The following ATP8A2 variants were observed in gnomAD, a reference collection of about 807,000 sequenced individuals.
The protein encoded by ATP8A2 is ATPase phospholipid transporting 8A2.
In ATP8A2, 100 loss-of-function variants were observed where a neutral mutation model predicts 165.6. The ratio of observed to expected loss-of-function variants is 0.60; its 90% CI spans 0.51 to 0.71. The LOEUF is 0.71. ATP8A2 is among the 30% of genes least tolerant of loss of function. The pLI is 0.00. For missense variants in ATP8A2, 1,227 were observed against 1,479.5 expected (o/e 0.83, Z 2.80); for synonymous variants, 543 against 548.8 (o/e 0.99, Z 0.15).
chr13:25,542,223 C>T lies in ATP8A2; in HGVS notation c.779+177C>T, dbSNP rs1593497823. Among the ~76,000 whole-genome samples, 10 of 152,196 alleles carry T rather than the reference C, an allele frequency of 6.6e-5. 3 individuals carry two copies. Among genetic ancestry groups the T allele is most frequent in the Admixed American group, 6.5e-4 (10 of 15,284 alleles). On this transcript the variant is annotated intron_variant, in intron 9 of 36. Coordinates refer to ENST00000381655, the MANE Select transcript of ATP8A2 (RefSeq NM_016529.6). ...AGAAAAAAACCCTGAGCCCAAGGGC[C>T]TCAGATGAGGCTCAAAGCATGTGGC... is the stretch of plus-strand genomic sequence containing the variant.
chr13:25,630,981 T>C (rs909233682), intron 24 of ATP8A2, among the ~76,000 whole-genome samples: 2 of 152,166 alleles, frequency 1.3e-5, no homozygotes, highest in Non-Finnish European at 2.9e-5. Flanking sequence ...TAGGTTTCAG[T>C]GTGAAATAAC....
At chr13:25,589,817 G>C in intron 24 of ATP8A2, 118 bp downstream of exon 24, 1 of 615,090 alleles carries the variant, frequency 1.6e-6, no homozygotes, top group Admixed American at 3.0e-5. Flanking sequence ...AAAAAACTGT[G>C]TTTATTTTCT....
chr13:25,451,903 G>A (rs1566142979), intron 1 of ATP8A2, among the ~76,000 whole-genome samples: 1 of 150,256 alleles, frequency 6.7e-6, no homozygotes, highest in Non-Finnish European at 1.5e-5. Context: ...TGCCCAGGCT[G>A]GAGTGCAGTG....
intron 27 of ATP8A2, among the ~76,000 whole-genome samples, chr13:25,817,862 G>A (rs1951071294): frequency 6.6e-6 from 1 of 151,800 alleles, no homozygotes; most frequent in African/African-American, 2.4e-5. Context: ...AAAAATTTTT[G>A]TAGAGACAGG....
chr13:25,469,662 T>A (rs1389788667), intron 2 of ATP8A2, among the ~76,000 whole-genome samples: 1 of 152,208 alleles, frequency 6.6e-6, no homozygotes, highest in Non-Finnish European at 1.5e-5. Context: ...AAATGTCTAC[T>A]TTTGCTGGCC....
At chr13:25,720,086 T>G (rs2043340978) in intron 25 of ATP8A2, among the ~76,000 whole-genome samples, 1 of 152,082 alleles carries the variant, frequency 6.6e-6, no homozygotes, top group South Asian at 2.1e-4. Context: ...TCCGAATTCT[T>G]GTATAAAGTT....
intron 25 of ATP8A2, among the ~76,000 whole-genome samples, chr13:25,764,875 A>T (rs951603720): frequency 1.3e-5 from 2 of 152,174 alleles, no homozygotes; most frequent in Admixed American, 6.5e-5. Context: ...TACAATCGAG[A>T]TCCAGCCCCT....
intron 33 of ATP8A2, among the ~76,000 whole-genome samples, chr13:25,878,702 A>AT (rs1952887054): frequency 6.6e-6 from 1 of 152,116 alleles, no homozygotes; most frequent in South Asian, 2.1e-4. Context: ...CCCAGCCCCT[A>AT]TTCAAGATGG....
intron 33 of ATP8A2, among the ~76,000 whole-genome samples, chr13:25,899,974 C>T (rs991414221): frequency 6.6e-6 from 1 of 152,064 alleles, no homozygotes; most frequent in Non-Finnish European, 1.5e-5. Context: ...ACATGAGGCA[C>T]ACAGCTGTGT....
chr13:25,929,096 C>A (rs1387970676), intron 33 of ATP8A2, among the ~76,000 whole-genome samples: 1 of 152,198 alleles, frequency 6.6e-6, no homozygotes, highest in Non-Finnish European at 1.5e-5. Context: ...GACTCACAAG[C>A]CGCTAACAAC....
chr13:25,525,167 A>G (rs1174942462), intron 2 of ATP8A2, among the ~76,000 whole-genome samples: 8 of 152,104 alleles, frequency 5.3e-5, no homozygotes, highest in African/African-American at 1.9e-4. Context: ...TAGAAACAAT[A>G]AACTAAAAAA....
intron 24 of ATP8A2, among the ~76,000 whole-genome samples, chr13:25,681,766 A>T: frequency 6.6e-6 from 1 of 152,194 alleles, no homozygotes; most frequent in East Asian, 1.9e-4. Flanking sequence ...AACACCTCCA[A>T]ATGATTTATG....
chr13:26,003,959 T>A (rs1050160718), intron 35 of ATP8A2, among the ~76,000 whole-genome samples: 28 of 152,162 alleles, frequency 1.8e-4, no homozygotes, highest in Non-Finnish European at 3.7e-4. Context: ...TGTGATGCCT[T>A]CAGCCTTTTT....
intron 35 of ATP8A2, among the ~76,000 whole-genome samples, chr13:25,988,269 TGA>T (rs1159453177): frequency 6.6e-6 from 1 of 152,208 alleles, no homozygotes; most frequent in Non-Finnish European, 1.5e-5. Context: ...ATCTTCGCTG[TGA>T]GTGCGAAGAC....
At chr13:25,686,791 C>A (rs953752828) in intron 24 of ATP8A2, among the ~76,000 whole-genome samples, 1 of 152,110 alleles carries the variant, frequency 6.6e-6, no homozygotes, top group East Asian at 1.9e-4. Flanking sequence ...TTCTTGACTG[C>A]GGCTCTGAAT....
At chr13:25,444,217 G>A (rs2035010843) in intron 1 of ATP8A2, among the ~76,000 whole-genome samples, 1 of 152,128 alleles carries the variant, frequency 6.6e-6, no homozygotes, top group Non-Finnish European at 1.5e-5. Context: ...ACTTCTTTTG[G>A]TCAGCAGATT....
intron 1 of ATP8A2, among the ~76,000 whole-genome samples, chr13:25,455,231 T>C (rs1029295557): frequency 6.6e-6 from 1 of 152,222 alleles, no homozygotes; most frequent in African/African-American, 2.4e-5. Flanking sequence ...CTGGACCTGA[T>C]ACGAGACTCC....
intron 25 of ATP8A2, among the ~76,000 whole-genome samples, chr13:25,753,874 A>G (rs966485707): frequency 2.0e-5 from 3 of 152,218 alleles, no homozygotes; most frequent in Admixed American, 6.5e-5. Context: ...GAAATAGAAA[A>G]TGGCTATTTC....
intron 25 of ATP8A2, among the ~76,000 whole-genome samples, chr13:25,757,440 C>T (rs1462532571): frequency 6.6e-6 from 1 of 152,100 alleles, no homozygotes; most frequent in Non-Finnish European, 1.5e-5. Flanking sequence ...GAAAAGATTA[C>T]AACACCAAAG....
Sources: gnomAD v4.1 joint callset for allele counts (sites outside exome capture counted in the v4.1 genomes callset) on GRCh38, gnomAD v4.1.1 for gene constraint, MANE v1.5 for transcripts, NCBI Gene and HGNC (gene_info 2026-07-23, HGNC 2026-07-21) for gene names.